SMARCC2: variants seen among roughly 807,000 people sequenced by gnomAD.
The protein encoded by SMARCC2 is SWI/SNF related BAF chromatin remodeling complex subunit C2, also known as SWI/SNF complex subunit SMARCC2.
In SMARCC2, 15 loss-of-function variants were observed where a neutral mutation model predicts 151.3. The ratio of observed to expected loss-of-function variants is 0.10; its 90% CI spans 0.07 to 0.15. The LOEUF (loss-of-function observed/expected upper bound fraction) is 0.15. SMARCC2 is among the 10% of genes least tolerant of loss of function. SMARCC2 has a pLI of 1.00. For missense variants in SMARCC2, 1,031 were observed against 1,599.7 expected, an observed-to-expected ratio of 0.64 and a Z score of 6.06; for synonymous variants, 590 against 609.5, an observed-to-expected ratio of 0.97 and a Z score of 0.47.
chr12:56,181,575 C>T lies in SMARCC2; in HGVS notation c.863G>A (p.Arg288Gln), dbSNP rs1876212331. The change falls in exon 10 of 29, where the codon CGA (arginine) becomes CAA (glutamine). Residue 288 changes from arginine (R) to glutamine (Q), a missense_variant. Arg to Gln is a conservative substitution (Grantham distance 43). Transcript: ENST00000550164. ...TDEVNSPDSD[R>Q]RDKKGGNYKK... ...ATAGTTTCCCCCCTTCTTGTCCCGTCGATCTGAATCTGGGCTGTTCACCTA... is the reference window on the plus strand; with the variant it reads ...ATAGTTTCCCCCCTTCTTGTCCCGTTGATCTGAATCTGGGCTGTTCACCTA... 6.3e-7 allele frequency: 1 copy of T among 1,594,030 alleles called. No individual in the cohort carries two copies. The highest frequency in any genetic ancestry group is 1.7e-5 in the Admixed American group (1 of 57,330).
intron 2 of SMARCC2, 111 bp from the exon 3 acceptor site, chr12:56,186,351 T>TC: frequency 1.1e-5 from 3 of 278,390 alleles, no homozygotes; most frequent in Non-Finnish European, 1.3e-5. Flanking sequence ...TGATCTCCCT[T>TC]TTTTTTTTTT....
chr12:56,187,887 A>G (rs890539278), intron 1 of SMARCC2, among the ~76,000 whole-genome samples: 1 of 152,158 alleles, frequency 6.6e-6, no homozygotes, highest in African/African-American at 2.4e-5. Flanking sequence ...CCTGATGGAG[A>G]AGAGCAAGAC....
intron 8 of SMARCC2, 21 bp downstream of exon 8, chr12:56,181,983 G>A (rs754855752): frequency 1.3e-5 from 21 of 1,599,816 alleles, no homozygotes; most frequent in Non-Finnish European, 1.8e-5. Context: ...TTGGGGAAGA[G>A]GGGATACAAG....
At chr12:56,172,838 C>G in intron 18 of SMARCC2, 99 bp downstream of exon 18, 2 of 1,559,340 alleles carry the variant, frequency 1.3e-6, no homozygotes, top group Non-Finnish European at 1.8e-6. Flanking sequence ...TCCTCCCTTA[C>G]TGCTGTAGTT....
At chr12:56,166,932 C>T (rs1269571932) in intron 26 of SMARCC2, among the ~76,000 whole-genome samples, 5 of 151,604 alleles carry the variant, frequency 3.3e-5, no homozygotes, top group Non-Finnish European at 7.4e-5. Flanking sequence ...GTCATGGTGG[C>T]ATGTGCCTGT....
Position 56,171,510 on chromosome 12 carries a change from A to G in SMARCC2, c.2186-78T>C. ...GCAATCCCTGCAAAAGCTTACTCAC[A>G]AGCCCATGTCTTCATCTAAGCTAGT... On this transcript the variant is annotated intron_variant, in intron 21 of 28. Coordinates refer to ENST00000550164, the MANE Select transcript of SMARCC2 (RefSeq NM_001330288.2). The surrounding 1 kb of genome is among the most constrained non-coding windows in gnomAD (Gnocchi z 4.2). 1.3e-6 allele frequency: 2 copies of G among 1,582,958 alleles called. No individual in the cohort carries two copies. Among genetic ancestry groups the G allele is most frequent in the Non-Finnish European group, 1.7e-6 (2 of 1,155,196 alleles).
intron 28 of SMARCC2, 57 bp downstream of exon 28, chr12:56,164,246 C>A: frequency 1.3e-6 from 2 of 1,522,298 alleles, no homozygotes; most frequent in South Asian, 2.3e-5. Context: ...GCCCGCTCAC[C>A]CTCCCTCCAG....
Position 56,170,148 on chromosome 12 carries a change from G to A in SMARCC2, c.2408C>T (p.Pro803Leu). 1.2e-6 allele frequency: 2 copies of A among 1,612,836 alleles called. No homozygotes were observed. Among genetic ancestry groups the A allele is most frequent in the Non-Finnish European group, 1.7e-6 (2 of 1,178,966 alleles). ...EGQATDEKKE[P>L]KEPREGGGAI... Reference sequence around the variant, plus strand: ...CTTCCAGAAATCCCTCTATACCTTGGGCTCCTTCTTCTCATCTGTGGCCTG... The same window carrying A: ...CTTCCAGAAATCCCTCTATACCTTGAGCTCCTTCTTCTCATCTGTGGCCTG... Residue 803 changes from proline to leucine, a missense_variant, in exon 23 of 29, where the codon CCC (proline) becomes CTC (leucine). By Grantham distance (98) the Pro-to-Leu change is moderately conservative. Around this residue, in one of 12 missense-constraint regions of SMARCC2, gnomAD observed 119 missense variants for 184.2 expected, o/e 0.65. Transcript: ENST00000550164.
At chr12:56,180,857 T>C (rs544201186) in intron 11 of SMARCC2, 120 bp downstream of exon 11, 2 of 1,051,816 alleles carry the variant, frequency 1.9e-6, no homozygotes, top group South Asian at 3.4e-5. Flanking sequence ...CAGCTAAATT[T>C]AAGGAAAAGA....
rs1872016400 is a variant in SMARCC2 at position 56,162,525 on chromosome 12, G to C, written c.*1164C>G. Reference sequence around the variant, plus strand: ...TGGTGGGAGGAACCAAGAAGAACCAGTGCAGAGCCTGGAGTCACACCTGCC... The same window carrying C: ...TGGTGGGAGGAACCAAGAAGAACCACTGCAGAGCCTGGAGTCACACCTGCC... On this transcript the variant is annotated 3_prime_UTR_variant, in exon 29 of 29. Transcript: ENST00000550164. 3.7e-6 allele frequency: 2 copies of C among 541,182 alleles called. No individual in the cohort carries two copies. Among genetic ancestry groups the C allele is most frequent in the Admixed American group, 3.5e-5 (1 of 28,674 alleles). 33.5% of individuals were successfully genotyped at this position (541,182 alleles called of 1,614,324 possible).
chr12:56,182,819 T>C (rs953102285), intron 7 of SMARCC2, among the ~76,000 whole-genome samples: 1 of 145,452 alleles, frequency 6.9e-6, no homozygotes, highest in Admixed American at 7.1e-5. Flanking sequence ...ATCATAACCA[T>C]ACTAGATGAT....
In SMARCC2 at chr12:56,167,368, TAAATA is replaced by T. The variant is rs1872993122; in HGVS notation, c.2850+687_2850+691del. On this transcript the variant is annotated intron_variant, in intron 26 of 28. Transcript: ENST00000550164. Reference sequence around the variant, plus strand: ...TGTCTCAAATAAATAAATAAATAAATAAATAAAATAAATTGTTGAGACAGAGATCT... The same window carrying T: ...TGTCTCAAATAAATAAATAAATAAATAAATAAATTGTTGAGACAGAGATCT... Among the ~76,000 whole-genome samples the T allele has an allele frequency of 2.6e-5, 4 of 152,058 alleles. No individual in the cohort carries two copies. The South Asian group carries it at 8.3e-4, about 32-fold the overall frequency.
At chr12:56,184,761 A>G (rs1876901240) in intron 5 of SMARCC2, 83 bp downstream of exon 5, 2 of 813,260 alleles carry the variant, frequency 2.5e-6, no homozygotes, top group South Asian at 2.9e-5. Context: ...AAAACATGGT[A>G]ATTCAGGGCT....
rs1450932606 is a variant in SMARCC2, at chr12:56,169,538, C to T, written c.2706G>A (p.Val902=). 6.2e-7 allele frequency: 1 copy of T among 1,613,980 alleles called. No individual in the cohort carries two copies. The highest frequency in any genetic ancestry group is 1.3e-5 in the African/African-American group (1 of 74,932). ...CAAGGTCTGGCCTCACCTTAGCTTT[C>T]ACTGCGGCGGCGGCCAGGGCGGCGG... ...AAAAALAAAA[V]KAKHLAAVEE... Residue 902 remains valine (V), a synonymous_variant, in exon 25 of 29, where the codon GTG becomes GTA. Transcript: ENST00000550164.
At position 56,180,885 on chromosome 12, in the gene SMARCC2, T is replaced by C. The variant is rs533264438; in HGVS notation, c.1081+92A>G. ...GGAAAAGATCCTGTAGACTGGGAGGTGGACCTGAGAAATCAGCTCACTTGG... is the reference window on the plus strand; with the variant it reads ...GGAAAAGATCCTGTAGACTGGGAGGCGGACCTGAGAAATCAGCTCACTTGG... On this transcript the variant is annotated intron_variant, in intron 11 of 28. Transcript: ENST00000550164. The C allele has an allele frequency of 5.3e-6, 7 of 1,313,966 alleles. No homozygotes were observed. The African/African-American group carries it at 8.8e-5, about 17-fold the overall frequency. The allele number at this position is 1,313,966 out of a possible 1,614,324, so 81.4% of individuals were successfully genotyped here. A position where few individuals can be genotyped will look rare whatever the true frequency, so the allele number is the denominator to read the frequency against.
intron 26 of SMARCC2, 81 bp downstream of exon 26, chr12:56,167,979 C>CAT (rs1454280505): frequency 7.3e-7 from 1 of 1,361,318 alleles, no homozygotes; most frequent in Non-Finnish European, 1.0e-6. Flanking sequence ...CACACACACA[C>CAT]ACACACACAC....
At chr12:56,180,881 G>A (rs1745496665) in intron 11 of SMARCC2, 96 bp downstream of exon 11, 1 of 1,268,130 alleles carries the variant, frequency 7.9e-7, no homozygotes, top group Non-Finnish European at 1.1e-6. Context: ...TGTAGACTGG[G>A]AGGTGGACCT....
chr12:56,173,967 CCT>C (rs1874453930), intron 16 of SMARCC2, 118 bp from the exon 17 acceptor site: 1 of 882,718 alleles, frequency 1.1e-6, no homozygotes, highest in Non-Finnish European at 1.8e-6. Context: ...CCGGCCTTTT[CCT>C]CTGTTCATTG....
Position 56,169,515 on chromosome 12 carries a change from A to G in SMARCC2, c.2715+14T>C, listed in dbSNP as rs1404112378. ...GACATTTTCTTCCCTGAGGTCTTCAAGGTCTGGCCTCACCTTAGCTTTCAC... is the reference window on the plus strand; with the variant it reads ...GACATTTTCTTCCCTGAGGTCTTCAGGGTCTGGCCTCACCTTAGCTTTCAC... On this transcript the variant is annotated intron_variant, in intron 25 of 28. Coordinates refer to ENST00000550164, the MANE Select transcript of SMARCC2 (RefSeq NM_001330288.2). 1 of 1,612,736 alleles carries G rather than the reference A, an allele frequency of 6.2e-7. No individual in the cohort carries two copies.
Sources: allele counts gnomAD v4.1 joint callset (sites outside exome capture counted in the v4.1 genomes callset), GRCh38; gene constraint gnomAD v4.1.1; regional missense constraint gnomAD v4.1.1; non-coding constraint Gnocchi (gnomAD v3.1); transcripts MANE v1.5; gene names NCBI Gene and HGNC (gene_info 2026-07-23, HGNC 2026-07-21).